Variants in CLYBL observed in about 807,000 individuals in gnomAD.
The protein encoded by CLYBL is citramalyl-CoA lyase, mitochondrial.
CLYBL carries 31 observed loss-of-function variants against 38.9 expected under a neutral mutation model. The observed-to-expected ratio is 0.80, with a 90% confidence interval of 0.60 to 1.08. CLYBL has a LOEUF of 1.08. Among genes scored for constraint, CLYBL ranks in the 50% least tolerant of loss-of-function variants. The pLI is 0.00. For synonymous variants in CLYBL, 171 were observed against 158.6 expected (o/e 1.08, Z -0.59); for missense variants, 434 against 411.6 (o/e 1.05, Z -0.47).
chr13:99,838,357 G>C (rs1296075796), intron 2 of CLYBL, among the ~76,000 whole-genome samples: 2 of 152,170 alleles, frequency 1.3e-5, no homozygotes, highest in Admixed American at 6.5e-5. Flanking sequence ...GTTCTTTCGA[G>C]ATAACTGATC....
chr13:99,706,057 A>G (rs1008753304), intron 1 of CLYBL, among the ~76,000 whole-genome samples: 1 of 151,672 alleles, frequency 6.6e-6, no homozygotes, highest in Non-Finnish European at 1.5e-5. Context: ...TCAGCCTTCC[A>G]AGTAGCTGGG....
At chr13:99,752,741 G>T (rs931846508) in intron 1 of CLYBL, among the ~76,000 whole-genome samples, 2 of 151,952 alleles carry the variant, frequency 1.3e-5, no homozygotes, top group African/African-American at 4.8e-5. Context: ...TGGCTCAAAG[G>T]CCCCACCTGC....
intron 1 of CLYBL, among the ~76,000 whole-genome samples, chr13:99,757,057 G>A (rs527787048): frequency 4.0e-5 from 6 of 151,886 alleles, no homozygotes; most frequent in South Asian, 2.1e-4. Flanking sequence ...CCACCACACC[G>A]GCCAATTATT....
In CLYBL at chr13:99,773,837, A is replaced by G. The variant is rs2049453544; in HGVS notation, c.249+827A>G. Among the ~76,000 whole-genome samples, 6 of 152,160 alleles carry G rather than the reference A, an allele frequency of 3.9e-5. No homozygotes were observed. In the South Asian group the frequency reaches 1.2e-3, roughly 31 times the overall value. On this transcript the variant is annotated intron_variant, in intron 2 of 8. Transcript: ENST00000339105. ...TCATGGATAAATCACCATTTTCTCT[A>G]CTTAATTTAAGGGAAATGACACATA...
At chr13:99,631,150 C>T (rs993595204) in intron 1 of CLYBL, among the ~76,000 whole-genome samples, 1 of 152,034 alleles carries the variant, frequency 6.6e-6, no homozygotes, top group Admixed American at 6.6e-5. Context: ...GGTGAAATCC[C>T]GTCTCCACAA....
intron 1 of CLYBL, among the ~76,000 whole-genome samples, chr13:99,771,000 G>T (rs1235916791): frequency 6.8e-6 from 1 of 146,552 alleles, no homozygotes; most frequent in Admixed American, 6.8e-5. Flanking sequence ...GATTACAGGC[G>T]TAAGCCACCA....
At chr13:99,883,246 C>T (rs1239759687) in intron 7 of CLYBL, among the ~76,000 whole-genome samples, 1 of 152,192 alleles carries the variant, frequency 6.6e-6, no homozygotes, top group East Asian at 1.9e-4. Context: ...ACCGACCGGG[C>T]GCAGTGGCTT....
intron 2 of CLYBL, among the ~76,000 whole-genome samples, chr13:99,793,807 A>G (rs891832896): frequency 1.3e-5 from 2 of 151,922 alleles, no homozygotes; most frequent in Non-Finnish European, 2.9e-5. Flanking sequence ...AGTATGATCT[A>G]TAATGTGATA....
chr13:99,635,076 T>A (rs2046999563), intron 1 of CLYBL, among the ~76,000 whole-genome samples: 1 of 152,128 alleles, frequency 6.6e-6, no homozygotes, highest in South Asian at 2.1e-4. Context: ...CAGGGCTGGT[T>A]CTGCTCCTGG....
intron 1 of CLYBL, among the ~76,000 whole-genome samples, chr13:99,628,995 C>T (rs929271475): frequency 6.6e-6 from 1 of 152,212 alleles, no homozygotes; most frequent in African/African-American, 2.4e-5. Flanking sequence ...GGTGTTTTCA[C>T]CTTGAAACAG....
At chr13:99,663,447 A>G (rs557291251) in intron 1 of CLYBL, among the ~76,000 whole-genome samples, 2 of 152,214 alleles carry the variant, frequency 1.3e-5, no homozygotes, top group African/African-American at 4.8e-5. Flanking sequence ...TCCCATGTCT[A>G]GTGTGCCCTC....
At chr13:99,708,073 C>T (rs1243830902) in intron 1 of CLYBL, among the ~76,000 whole-genome samples, 2 of 152,066 alleles carry the variant, frequency 1.3e-5, no homozygotes, top group Admixed American at 6.6e-5. Context: ...AACTTCCACC[C>T]CCTGGGTTCA....
intron 1 of CLYBL, among the ~76,000 whole-genome samples, chr13:99,618,113 C>T (rs2793764): frequency 0.73 from 110,339 of 152,034 alleles, 41,659 homozygotes; most frequent in East Asian, 0.87. Context: ...TCCATTGCTA[C>T]TATATATCCA....
intron 1 of CLYBL, among the ~76,000 whole-genome samples, chr13:99,698,506 C>A (rs577822759): frequency 6.6e-6 from 1 of 152,136 alleles, no homozygotes; most frequent in African/African-American, 2.4e-5. Context: ...TGTCATTTGA[C>A]GTGACAGAAA....
intron 1 of CLYBL, among the ~76,000 whole-genome samples, chr13:99,663,146 G>A (rs1466298489): frequency 2.6e-5 from 4 of 152,204 alleles, no homozygotes; most frequent in South Asian, 2.1e-4. Context: ...CTCTTAGCTC[G>A]TAGTGAGCTG....
intron 7 of CLYBL, among the ~76,000 whole-genome samples, chr13:99,876,337 C>T (rs951361724): frequency 5.9e-4 from 85 of 143,724 alleles, no homozygotes; most frequent in African/African-American, 2.1e-3. Flanking sequence ...AGGAGAATCA[C>T]TTGAACCTGG....
intron 2 of CLYBL, among the ~76,000 whole-genome samples, chr13:99,793,366 G>GTC (rs1447575941): frequency 6.6e-6 from 1 of 152,130 alleles, no homozygotes; most frequent in Non-Finnish European, 1.5e-5. Flanking sequence ...CTCAGGAGAT[G>GTC]TCTTCAATAG....
At chr13:99,653,933 A>G (rs2047291178) in intron 1 of CLYBL, among the ~76,000 whole-genome samples, 2 of 152,220 alleles carry the variant, frequency 1.3e-5, no homozygotes, top group African/African-American at 4.8e-5. Flanking sequence ...CAATGACTTT[A>G]TCAAGGATAA....
intron 2 of CLYBL, among the ~76,000 whole-genome samples, chr13:99,782,926 T>C (rs909704541): frequency 8.0e-5 from 12 of 149,782 alleles, no homozygotes; most frequent in African/African-American, 2.7e-4. Context: ...TTCTTCTTGT[T>C]TCTCTGTGTT....
Sources: allele counts gnomAD v4.1 joint callset (sites outside exome capture counted in the v4.1 genomes callset), GRCh38; gene constraint gnomAD v4.1.1; transcripts MANE v1.5; gene names NCBI Gene and HGNC (gene_info 2026-07-23, HGNC 2026-07-21).